The following PLCG1 variants were observed in gnomAD, a reference collection of about 807,000 sequenced individuals.
PLCG1 encodes 1-phosphatidylinositol 4,5-bisphosphate phosphodiesterase gamma-1.
A neutral mutation model predicts 177.8 loss-of-function variants in PLCG1; 71 were observed. The ratio of observed to expected loss-of-function variants is 0.40; its 90% CI spans 0.33 to 0.49. The LOEUF is 0.49. PLCG1 is among the 20% of genes least tolerant of loss of function. The pLI is 0.72. For synonymous variants in PLCG1, 658 were observed against 647.9 expected (o/e 1.02, Z -0.24); for missense variants, 1,281 against 1,709.0 (o/e 0.75, Z 4.42).
rs1252288903 is a variant in PLCG1 at position 41,163,508 on chromosome 20, T to C, written c.891+29T>C. On this transcript the variant is annotated intron_variant, in intron 9 of 31. Coordinates refer to ENST00000685551, the MANE Select transcript of PLCG1 (RefSeq NM_002660.3). This position sits in a 1 kb window ranked among gnomAD's most constrained non-coding sequence, Gnocchi z 5.2. The stretch of plus-strand genomic sequence containing the variant: ...AGCCCGATGTTTCACCCATTTTTTG[T>C]CAAGAGAATGAGTAGGGGTGACCAG... 6.6e-7 allele frequency: 1 copy of C among 1,522,438 alleles called. No individual in the cohort carries two copies. The highest frequency in any genetic ancestry group is 9.1e-7 in the Non-Finnish European group (1 of 1,099,450). 94.3% of individuals were successfully genotyped at this position (1,522,438 alleles called of 1,614,324 possible).
Position 41,165,142 on chromosome 20 carries a change from G to A in PLCG1, c.1386+41G>A. 6.2e-7 allele frequency: 1 copy of A among 1,605,076 alleles called. No individual in the cohort carries two copies. Among genetic ancestry groups the A allele is most frequent in the East Asian group, 2.2e-5 (1 of 44,794 alleles). On this transcript the variant is annotated intron_variant, in intron 13 of 31. Coordinates refer to ENST00000685551, the MANE Select transcript of PLCG1 (RefSeq NM_002660.3). The surrounding 1 kb of genome is among the most constrained non-coding windows in gnomAD (Gnocchi z 6.6). ...TATTGCGGAAGCCCCACACTTCTCA[G>A]TGCCTTGCCCAGGCCATGGCTTCAG... is the stretch of plus-strand genomic sequence containing the variant.
At chr20:41,145,022 G>GGA (rs2034953937) in intron 1 of PLCG1, among the ~76,000 whole-genome samples, 1 of 152,204 alleles carries the variant, frequency 6.6e-6, no homozygotes, top group South Asian at 2.1e-4. Context: ...CAGCCAGAAA[G>GGA]GAGATAAATA....
intron 1 of PLCG1, among the ~76,000 whole-genome samples, chr20:41,155,409 G>A (rs2035289452): frequency 6.6e-6 from 1 of 152,204 alleles, no homozygotes; most frequent in African/African-American, 2.4e-5. Context: ...GACTTGCCAA[G>A]GCCTAGCTAT....
rs768105603 is a variant in PLCG1, at chr20:41,172,529, G to A, written c.3014G>A (p.Arg1005Gln). ...AKGKKFLQYN[R>Q]LQLSRIYPKG... ...GGCAAGAAGTTCCTTCAGTACAATC[G>A]ACTGCAGCTCTCCCGCATCTACCCC... Residue 1005 changes from arginine (R) to glutamine (Q), a missense_variant, in exon 26 of 32, where the codon CGA (arginine) becomes CAA (glutamine). Arg to Gln is a conservative substitution (Grantham distance 43, BLOSUM62 1). This residue lies in a region of PLCG1 where 723 missense variants were observed against 1,030.0 expected (regional missense o/e 0.70). Transcript: ENST00000685551. This position sits in a 1 kb window ranked among gnomAD's most constrained non-coding sequence, Gnocchi z 7.0. The A allele has an allele frequency of 5.6e-6, 9 of 1,614,006 alleles. No individual in the cohort carries two copies. The highest frequency in any genetic ancestry group is 4.5e-5 in the East Asian group (2 of 44,894).
chr20:41,137,849 G>A lies in PLCG1; in HGVS notation c.208G>A (p.Glu70Lys). 1 of 1,286,088 alleles carries A rather than the reference G, an allele frequency of 7.8e-7. No individual in the cohort carries two copies. The highest frequency in any genetic ancestry group is 9.9e-7 in the Non-Finnish European group (1 of 1,009,364). The allele number at this position is 1,286,088 out of a possible 1,614,324, so 79.7% of individuals were successfully genotyped here. A position where few individuals can be genotyped will look rare whatever the true frequency, so the allele number is the denominator to read the frequency against. Reference sequence around the variant, plus strand: ...GTGGAGCCGGGGCGCCGACAAGATCGAGGGGGCCAGTAAGTGCGCCCACTT... The same window carrying A: ...GTGGAGCCGGGGCGCCGACAAGATCAAGGGGGCCAGTAAGTGCGCCCACTT... ...ITWSRGADKI[E>K]GAIDIREIKE... Residue 70 changes from glutamate to lysine, a missense_variant, in exon 1 of 32, where the codon GAG becomes AAG. Physicochemically the swap from Glu to Lys is moderately conservative, Grantham distance 56 (BLOSUM62 1). Transcript: ENST00000685551. The surrounding 1 kb of genome is among the most constrained non-coding windows in gnomAD (Gnocchi z 7.3).
rs1302898634 is a variant in PLCG1 at position 41,176,942 on chromosome 20, C to CCTAA, written c.*2435_*2438dup. 6.6e-6 allele frequency: 1 copy of CCTAA among 152,238 alleles called. No individual in the cohort carries two copies. The highest frequency in any genetic ancestry group is 2.4e-5 in the African/African-American group (1 of 41,456). 9.4% of individuals were successfully genotyped at this position (152,238 alleles called of 1,614,324 possible). A position where few individuals can be genotyped will look rare whatever the true frequency, so the allele number is the denominator to read the frequency against. On this transcript the variant is annotated 3_prime_UTR_variant, in exon 32 of 32. Coordinates refer to ENST00000685551, the MANE Select transcript of PLCG1 (RefSeq NM_002660.3). The stretch of plus-strand genomic sequence containing the variant: ...GGGTTATGACCTGTGGAGTCTCAAC[C>CCTAA]CTAACAGCACATTAGCACCACTTGG...
At chr20:41,162,133 CTGG>C (rs1427587858) in intron 4 of PLCG1, among the ~76,000 whole-genome samples, 5 of 152,010 alleles carry the variant, frequency 3.3e-5, no homozygotes, top group Non-Finnish European at 7.4e-5. Flanking sequence ...GAGGGGAGGC[CTGG>C]AGTGTGGTTT....
rs1311007779 is a variant in PLCG1, at chr20:41,169,093, A to G, written c.2498A>G (p.Tyr833Cys). The stretch of plus-strand genomic sequence containing the variant: ...GGCTCCCACAGGTGGCGAGGGGACT[A>G]CGGAGGGAAGAAGCAGCTGTGGTTC... ...KQEGGWWRGD[Y>C]GGKKQLWFPS... Residue 833 changes from tyrosine to cysteine, a missense_variant, in exon 22 of 32, where the codon TAC becomes TGC. Tyr to Cys is a radical substitution (Grantham distance 194). Around this residue, in one of 4 missense-constraint regions of PLCG1, gnomAD observed 723 missense variants for 1,030.0 expected, o/e 0.70. Transcript: ENST00000685551. The G allele has an allele frequency of 3.1e-6, 5 of 1,613,800 alleles. No homozygotes were observed. Among genetic ancestry groups the G allele is most frequent in the Non-Finnish European group, 4.2e-6 (5 of 1,179,650 alleles).
In PLCG1 at chr20:41,148,540, T is replaced by C. The variant is rs1306855070; in HGVS notation, c.217+10682T>C. Among the ~76,000 whole-genome samples the C allele has an allele frequency of 1.3e-5, 2 of 152,094 alleles. No homozygotes were observed. The highest frequency in any genetic ancestry group is 4.8e-5 in the African/African-American group (2 of 41,400). On this transcript the variant is annotated intron_variant, in intron 1 of 31. Transcript: ENST00000685551. The surrounding 1 kb of genome is among the most constrained non-coding windows in gnomAD (Gnocchi z 4.3). ...GCTGTGGTCAGGAGGGCCTCATTTATCTAGTGAGCAGGAACAGGTTATATA... is the reference window on the plus strand; with the variant it reads ...GCTGTGGTCAGGAGGGCCTCATTTACCTAGTGAGCAGGAACAGGTTATATA...
chr20:41,154,685 A>G (rs552124079), intron 1 of PLCG1, among the ~76,000 whole-genome samples: 8 of 152,078 alleles, frequency 5.3e-5, no homozygotes, highest in Non-Finnish European at 1.2e-4. Flanking sequence ...CCAGGCACAC[A>G]GATGGGTCCT....
In PLCG1 at chr20:41,137,833, G is replaced by C; in HGVS notation, c.192G>C (p.Arg64=). Residue 64 remains arginine (R), a synonymous_variant, in exon 1 of 32, where the codon CGG becomes CGC. Transcript: ENST00000685551. The surrounding 1 kb of genome is among the most constrained non-coding windows in gnomAD (Gnocchi z 7.3). Reference sequence around the variant, plus strand: ...AGACGCGCCAGATCACGTGGAGCCGGGGCGCCGACAAGATCGAGGGGGCCA... The same window carrying C: ...AGACGCGCCAGATCACGTGGAGCCGCGGCGCCGACAAGATCGAGGGGGCCA... ...KLETRQITWS[R]GADKIEGAID... is the part of the protein sequence containing the mutation. 1 of 1,296,190 alleles carries C rather than the reference G, an allele frequency of 7.7e-7. No individual in the cohort carries two copies. The allele number at this position is 1,296,190 out of a possible 1,614,324, so 80.3% of individuals were successfully genotyped here.
intron 1 of PLCG1, among the ~76,000 whole-genome samples, chr20:41,152,268 G>A (rs1190167118): frequency 1.3e-5 from 2 of 152,168 alleles, no homozygotes; most frequent in Non-Finnish European, 2.9e-5. Context: ...TCTTGGCTTC[G>A]GGCCCAGCAG....
intron 1 of PLCG1, among the ~76,000 whole-genome samples, chr20:41,139,979 C>CTTGT (rs2034767432): frequency 2.0e-5 from 3 of 152,134 alleles, no homozygotes; most frequent in Admixed American, 2.0e-4. Context: ...TGTGACCTTT[C>CTTGT]TTGTTTGTAA....
rs200475218 is a variant in PLCG1 at position 41,172,845 on chromosome 20, C to T, written c.3247C>T (p.Arg1083Cys). Residue 1083 changes from arginine (R) to cysteine (C), a missense_variant, in exon 27 of 32, where the codon CGC (arginine) becomes TGC (cysteine). Arg to Cys is a radical substitution (Grantham distance 180). Transcript: ENST00000685551. The surrounding 1 kb of genome is among the most constrained non-coding windows in gnomAD (Gnocchi z 7.0). ...CGACCCCTTTGACAAGAGCAGCCTC[C>T]GCGGGCTGGAGCCATGTGCCATCTC... is the stretch of plus-strand genomic sequence containing the variant. ...AFDPFDKSSL[R>C]GLEPCAISIE... The T allele has an allele frequency of 1.1e-5, 17 of 1,614,126 alleles. No homozygotes were observed. Among genetic ancestry groups the T allele is most frequent in the Middle Eastern group, 3.3e-4 (2 of 6,062 alleles).
Position 41,163,268 on chromosome 20 carries a change from A to G in PLCG1, c.782A>G (p.Tyr261Cys), listed in dbSNP as rs2035573135. Residue 261 changes from tyrosine to cysteine, a missense_variant, in exon 8 of 32, where the codon TAC becomes TGC. This residue lies in a region of PLCG1 where 374 missense variants were observed against 443.8 expected (regional missense o/e 0.84). Coordinates refer to ENST00000685551, the MANE Select transcript of PLCG1 (RefSeq NM_002660.3). This position sits in a 1 kb window ranked among gnomAD's most constrained non-coding sequence, Gnocchi z 5.2. ...GAGTTCCAGCAGTTCCTTCTTGACT[A>G]CCAGGGGGTATGGCTGGGCTGACAT... ...LPEFQQFLLD[Y>C]QGELWAVDRL... 6.4e-7 allele frequency: 1 copy of G among 1,565,984 alleles called. No homozygotes were observed. Among genetic ancestry groups the G allele is most frequent in the East Asian group, 2.2e-5 (1 of 44,488 alleles).
chr20:41,165,533 T>C lies in PLCG1; in HGVS notation c.1593T>C (p.Asp531=). The change falls in exon 15 of 32, where the codon GAT becomes GAC. Residue 531 remains aspartate (D), a synonymous_variant. Transcript: ENST00000685551. The surrounding 1 kb of genome is among the most constrained non-coding windows in gnomAD (Gnocchi z 6.6). ...EETSSDQGNE[D]EEEPKEVSSS... ...CCAGCAGTGACCAGGGCAACGAGGA[T>C]GAGGAGGAGCCCAAGGAGGTGAGGA... 6.2e-7 allele frequency: 1 copy of C among 1,613,810 alleles called. No homozygotes were observed. Among genetic ancestry groups the C allele is most frequent in the African/African-American group, 1.3e-5 (1 of 74,992 alleles).
chr20:41,138,255 C>T (rs936161617), intron 1 of PLCG1, among the ~76,000 whole-genome samples: 1 of 152,134 alleles, frequency 6.6e-6, no homozygotes, highest in African/African-American at 2.4e-5. Context: ...AGACGGTCCC[C>T]GCCCACTCTT....
At position 41,165,993 on chromosome 20, in the gene PLCG1, C is replaced by T. The variant is rs35480755; in HGVS notation, c.1799+167C>T. ...ACACACACACACTCTCTGTCTCACC[C>T]CCCCCCCATACCCCTCCCTTTTCGG... On this transcript the variant is annotated intron_variant, in intron 16 of 31. Transcript: ENST00000685551. This position sits in a 1 kb window ranked among gnomAD's most constrained non-coding sequence, Gnocchi z 6.6. 4.8e-3 allele frequency: 3,293 copies of T among 679,728 alleles called. 28 individuals are homozygous for T. The highest frequency in any genetic ancestry group is 6.2e-3 in the Non-Finnish European group (2,553 of 413,612). The allele number at this position is 679,728 out of a possible 1,614,324, so 42.1% of individuals were successfully genotyped here.
Position 41,176,843 on chromosome 20 carries a change from C to T in PLCG1, c.*2334C>T, listed in dbSNP as rs182901101. The T allele has an allele frequency of 3.3e-4, 50 of 152,304 alleles. No homozygotes were observed. The highest frequency in any genetic ancestry group is 1.1e-3 in the African/African-American group (45 of 41,538). The allele number at this position is 152,304 out of a possible 1,614,324, so 9.4% of individuals were successfully genotyped here. A position where few individuals can be genotyped will look rare whatever the true frequency, so the allele number is the denominator to read the frequency against. ...GGTGGGGAAGACCCTTACTTGGGGCCGAATGCTTTGGCATCAGGAGTTGTT... is the reference window on the plus strand; with the variant it reads ...GGTGGGGAAGACCCTTACTTGGGGCTGAATGCTTTGGCATCAGGAGTTGTT... On this transcript the variant is annotated 3_prime_UTR_variant, in exon 32 of 32. Coordinates refer to ENST00000685551, the MANE Select transcript of PLCG1 (RefSeq NM_002660.3).
Sources: allele counts gnomAD v4.1 joint callset (sites outside exome capture counted in the v4.1 genomes callset), GRCh38; gene constraint gnomAD v4.1.1; regional missense constraint gnomAD v4.1.1; non-coding constraint Gnocchi (gnomAD v3.1); transcripts MANE v1.5; gene names NCBI Gene and HGNC (gene_info 2026-07-23, HGNC 2026-07-21).